GATAD2A: variants seen among roughly 807,000 people sequenced by gnomAD.
The protein encoded by GATAD2A is GATA zinc finger domain containing 2A, also known as transcriptional repressor p66-alpha.
GATAD2A carries 12 observed loss-of-function variants against 68.5 expected under a neutral mutation model. The ratio of observed to expected loss-of-function variants is 0.18; its 90% CI spans 0.11 to 0.28. The LOEUF (loss-of-function observed/expected upper bound fraction) is 0.28. Ranked by LOEUF, GATAD2A falls within the 10% of genes least tolerant of loss-of-function variation. GATAD2A has a pLI of 1.00. For synonymous variants in GATAD2A, 410 were observed against 375.3 expected (o/e 1.09, Z -1.07); for missense variants, 755 against 868.5 (o/e 0.87, Z 1.64).
intron 1 of GATAD2A, among the ~76,000 whole-genome samples, chr19:19,442,014 A>T: frequency 6.6e-6 from 1 of 151,802 alleles, no homozygotes; most frequent in East Asian, 1.9e-4. Context: ...GGCAAGCATC[A>T]CCATGCCTGG....
intron 1 of GATAD2A, among the ~76,000 whole-genome samples, chr19:19,392,131 G>A (rs1386826772): frequency 1.5e-5 from 2 of 137,726 alleles, no homozygotes; most frequent in South Asian, 2.3e-4. Context: ...CTGTCACCCA[G>A]GCTGGAGTGC....
Position 19,501,263 on chromosome 19 carries a change from G to A in GATAD2A, c.1350G>A (p.Ala450=), listed in dbSNP as rs1459116869. Reference sequence around the variant, plus strand: ...GCATGACAACCAACCAGAAGAAGGCGCTCAAGGTGGAGCACACCAGCCGGC... The same window carrying A: ...GCATGACAACCAACCAGAAGAAGGCACTCAAGGTGGAGCACACCAGCCGGC... ...ENCMTTNQKK[A]LKVEHTSRLK... is the part of the protein sequence containing the mutation. The change falls in exon 9 of 12, where the codon GCG becomes GCA. Residue 450 remains alanine, a synonymous_variant. Transcript: ENST00000683918. The A allele has an allele frequency of 2.5e-6, 4 of 1,613,370 alleles. No homozygotes were observed. Among genetic ancestry groups the A allele is most frequent in the Non-Finnish European group, 3.4e-6 (4 of 1,180,022 alleles).
At chr19:19,504,252 G>A (rs764897539) in intron 11 of GATAD2A, among the ~76,000 whole-genome samples, 3 of 152,230 alleles carry the variant, frequency 2.0e-5, no homozygotes, top group Non-Finnish European at 2.9e-5. Context: ...AAAATTCTGC[G>A]TGTGCTGGGT....
intron 2 of GATAD2A, among the ~76,000 whole-genome samples, chr19:19,491,822 C>G (rs1425573987): frequency 1.3e-5 from 2 of 152,198 alleles, no homozygotes; most frequent in Non-Finnish European, 2.9e-5. Context: ...ACGCAGGGAG[C>G]TGGGCTCCCC....
intron 1 of GATAD2A, among the ~76,000 whole-genome samples, chr19:19,418,167 A>G (rs1347451597): frequency 1.3e-5 from 2 of 152,084 alleles, no homozygotes. Flanking sequence ...CTGGGCAGTC[A>G]TTGTCAGCTG....
chr19:19,495,447 T>TTG (rs2060079635), intron 5 of GATAD2A, among the ~76,000 whole-genome samples: 1 of 151,710 alleles, frequency 6.6e-6, no homozygotes, highest in South Asian at 2.1e-4. Context: ...TAGCTGGGAC[T>TTG]ACAGGCACGT....
chr19:19,501,544 G>A (rs557743856), intron 9 of GATAD2A, 128 bp downstream of exon 9: 5 of 773,740 alleles, frequency 6.5e-6, no homozygotes, highest in African/African-American at 5.2e-5. Flanking sequence ...TGGTGGTGTT[G>A]GGCGGCAAAA....
intron 1 of GATAD2A, among the ~76,000 whole-genome samples, chr19:19,415,584 C>T (rs960264105): frequency 6.7e-5 from 10 of 149,556 alleles, no homozygotes; most frequent in Non-Finnish European, 1.2e-4. Flanking sequence ...CAAGTAGCTG[C>T]GATTACAGGC....
chr19:19,400,854 T>G (rs1218957698), upstream of GATAD2A, among the ~76,000 whole-genome samples: 1 of 152,026 alleles, frequency 6.6e-6, no homozygotes, highest in Admixed American at 6.6e-5. Context: ...GAATGCAAAG[T>G]ACAGAAAGTA....
intron 8 of GATAD2A, among the ~76,000 whole-genome samples, chr19:19,500,094 G>A: frequency 6.6e-6 from 1 of 152,220 alleles, no homozygotes; most frequent in East Asian, 1.9e-4. Flanking sequence ...CCTCATCAGG[G>A]CTCAGTCTCC....
intron 1 of GATAD2A, among the ~76,000 whole-genome samples, chr19:19,420,595 C>G (rs1460031518): frequency 6.6e-6 from 1 of 151,852 alleles, no homozygotes; most frequent in African/African-American, 2.4e-5. Context: ...CCGCCTTGGC[C>G]TCCGAAAGTG....
Position 19,502,381 on chromosome 19 carries a change from G to A in GATAD2A, c.1629G>A (p.Leu543=), listed in dbSNP as rs755294108. The A allele has an allele frequency of 6.2e-7, 1 of 1,613,668 alleles. No individual in the cohort carries two copies. The highest frequency in any genetic ancestry group is 8.5e-7 in the Non-Finnish European group (1 of 1,179,926). ...CGGCCACGACGCCCCGAGGTGTCCT[G>A]CACACGTTCAGTCCGTCACCCAAAC... ...RGSATTPRGV[L]HTFSPSPKLQ... The change falls in exon 11 of 12, where the codon CTG becomes CTA. Residue 543 remains leucine, a synonymous_variant. Transcript: ENST00000683918.
chr19:19,428,277 G>T (rs532393536), intron 1 of GATAD2A, among the ~76,000 whole-genome samples: 1 of 152,350 alleles, frequency 6.6e-6, no homozygotes, highest in Non-Finnish European at 1.5e-5. Context: ...ATCTGGGGTC[G>T]ATAGGCAGTT....
upstream of GATAD2A, among the ~76,000 whole-genome samples, chr19:19,404,638 G>GCCACTGCA (rs1354823052): frequency 1.3e-5 from 2 of 152,016 alleles, no homozygotes; most frequent in Non-Finnish European, 2.9e-5. Context: ...CCGAGATAGC[G>GCCACTGCA]CCACTGCACC....
At chr19:19,494,654 CT>C (rs1415769388) in intron 5 of GATAD2A, among the ~76,000 whole-genome samples, 1 of 152,238 alleles carries the variant, frequency 6.6e-6, no homozygotes, top group African/African-American at 2.4e-5. Flanking sequence ...GTGAGCGCCC[CT>C]AGCAAGCCTG....
chr19:19,411,544 T>G (rs2147117771), intron 1 of GATAD2A, among the ~76,000 whole-genome samples: 1 of 152,330 alleles, frequency 6.6e-6, no homozygotes, highest in East Asian at 1.9e-4. Flanking sequence ...AATCTCATCC[T>G]CCTGGACTTG....
chr19:19,501,012 G>A lies in GATAD2A; in HGVS notation c.1205-106G>A, dbSNP rs369629569. The stretch of plus-strand genomic sequence containing the variant: ...GGTGCCCAGTAGGCATTTGCAGAAC[G>A]GACAGACTGTGGCGACTGAGACTCC... On this transcript the variant is annotated intron_variant, in intron 8 of 11. Coordinates refer to ENST00000683918, the MANE Select transcript of GATAD2A (RefSeq NM_001384528.1). The A allele has an allele frequency of 5.6e-5, 56 of 997,080 alleles. 1 individual carries two copies. In the East Asian group the frequency reaches 6.5e-4, roughly 12 times the overall value. 61.8% of individuals were successfully genotyped at this position (997,080 alleles called of 1,614,324 possible). A position where few individuals can be genotyped will look rare whatever the true frequency, so the allele number is the denominator to read the frequency against.
chr19:19,481,574 C>A (rs1600244099), intron 2 of GATAD2A, among the ~76,000 whole-genome samples: 1 of 152,144 alleles, frequency 6.6e-6, no homozygotes, highest in Non-Finnish European at 1.5e-5. Context: ...CATCCTCTCA[C>A]CTCAGCCTCC....
At chr19:19,466,153 A>G (rs1385861169) in intron 2 of GATAD2A, among the ~76,000 whole-genome samples, 3 of 152,194 alleles carry the variant, frequency 2.0e-5, no homozygotes, top group South Asian at 2.1e-4. Flanking sequence ...TCCTTAGTCA[A>G]CACTGATTAC....
Sources: gnomAD v4.1 joint callset for allele counts (sites outside exome capture counted in the v4.1 genomes callset) on GRCh38, gnomAD v4.1.1 for gene constraint, MANE v1.5 for transcripts, NCBI Gene and HGNC (gene_info 2026-07-23, HGNC 2026-07-21) for gene names.